The following TPRA1 variants were observed in gnomAD, a reference collection of about 807,000 sequenced individuals.
TPRA1 encodes transmembrane protein adipocyte associated 1.
In TPRA1, 28 loss-of-function variants were observed where a neutral mutation model predicts 40.1. The observed-to-expected ratio is 0.70, with a 90% CI of 0.52 to 0.96. The LOEUF is 0.96. TPRA1 is among the 40% of genes least tolerant of loss of function. The probability of loss-of-function intolerance (pLI) is 0.00; values close to 1 mark genes in which losing one functional copy is unlikely to be tolerated. For synonymous variants in TPRA1, 219 were observed against 209.7 expected, an observed-to-expected ratio of 1.04 and a Z score of -0.38; for missense variants, 441 against 482.6, an observed-to-expected ratio of 0.91 and a Z score of 0.81.
chr3:127,580,393 T>C (rs1458833493), intron 1 of TPRA1: 3 of 501,344 alleles, frequency 6.0e-6, no homozygotes, highest in South Asian at 5.1e-5. Context: ...CTGCAAATAG[T>C]CTAACAAAGC....
Position 127,575,414 on chromosome 3 carries a change from G to A in TPRA1, c.762C>T (p.Ile254=), listed in dbSNP as rs768786706. 3.1e-6 allele frequency: 5 copies of A among 1,591,036 alleles called. No individual in the cohort carries two copies. The highest frequency in any genetic ancestry group is 1.8e-5 in the Admixed American group (1 of 56,306). Residue 254 remains isoleucine, a synonymous_variant, in exon 9 of 11, where the codon ATC becomes ATT. Transcript: ENST00000355552. The part of the protein sequence containing the change: ...LGSVLLCFDI[I]EGLCCVDATT... ...CGGCCCCCACGCACCAGAGCCCCTCGATGATGTCGAAGCACAGCAGCACAC... is the reference window on the plus strand; with the variant it reads ...CGGCCCCCACGCACCAGAGCCCCTCAATGATGTCGAAGCACAGCAGCACAC...
In TPRA1 at chr3:127,575,515, G is replaced by A. The variant is rs374544493; in HGVS notation, c.671-10C>T. 1,374 of 1,544,348 alleles carry A rather than the reference G, an allele frequency of 8.9e-4. 2 individuals are homozygous for A. The highest frequency in any genetic ancestry group is 3.0e-3 in the South Asian group (249 of 81,782). On this transcript the variant is annotated splice_polypyrimidine_tract_variant and intron_variant, in intron 8 of 10. Transcript: ENST00000355552. ...TAGAAGCTCCTCCGAGCTGGGGGCC[G>A]GACAGGGTGGGTCGTGAGGTCCCAC...
At chr3:127,596,847 T>G (rs930457739) in intron 1 of TPRA1, among the ~76,000 whole-genome samples, 2 of 152,128 alleles carry the variant, frequency 1.3e-5, no homozygotes, top group African/African-American at 4.8e-5. Context: ...CCGGGCGTGG[T>G]GGCTCACGCC....
Position 127,576,168 on chromosome 3 carries a change from C to A in TPRA1, c.499-118G>T. Reference sequence around the variant, plus strand: ...CACCACACCAAGTTCAGCCTCTTGGCCTGACCCTCAACTCACCTGCCCCAG... The same window carrying A: ...CACCACACCAAGTTCAGCCTCTTGGACTGACCCTCAACTCACCTGCCCCAG... On this transcript the variant is annotated intron_variant, in intron 6 of 10. Coordinates refer to ENST00000355552, the MANE Select transcript of TPRA1 (RefSeq NM_001136053.4). This position sits in a 1 kb window ranked among gnomAD's most constrained non-coding sequence, Gnocchi z 4.6. The A allele has an allele frequency of 1.3e-6, 1 of 798,824 alleles. No homozygotes were observed. The allele number at this position is 798,824 out of a possible 1,614,324, so 49.5% of individuals were successfully genotyped here. A position where few individuals can be genotyped will look rare whatever the true frequency, so the allele number is the denominator to read the frequency against.
At chr3:127,587,732 A>C (rs1283781142) in intron 1 of TPRA1, among the ~76,000 whole-genome samples, 1 of 141,096 alleles carries the variant, frequency 7.1e-6, no homozygotes, top group Non-Finnish European at 1.5e-5. Context: ...GCTGGAGTGC[A>C]GTGGCGCGAT....
rs970974446 is a variant in TPRA1, at chr3:127,575,290, G to C, written c.774-25C>G. 1.4e-5 allele frequency: 22 copies of C among 1,609,078 alleles called. No homozygotes were observed. The East Asian group carries it at 4.9e-4, about 36-fold the overall frequency. ...GCTGCGGAGAAGGCGGGTCAGCGCG[G>C]GGCCTCCTAGCCCCATGCTGACTCC... On this transcript the variant is annotated intron_variant, in intron 9 of 10. Transcript: ENST00000355552.
upstream of TPRA1, among the ~76,000 whole-genome samples, chr3:127,594,249 A>G (rs2074221289): frequency 1.3e-5 from 2 of 152,172 alleles, no homozygotes; most frequent in African/African-American, 4.8e-5. Flanking sequence ...TGGGTTCTGG[A>G]GGTAGCAGAT....
chr3:127,574,777 G>C (rs745782140), intron 10 of TPRA1, among the ~76,000 whole-genome samples: 4 of 152,208 alleles, frequency 2.6e-5, no homozygotes, highest in Non-Finnish European at 5.9e-5. Context: ...CATACAATGT[G>C]CATATATATG....
At chr3:127,589,708 C>T (rs1447903793) in intron 1 of TPRA1, among the ~76,000 whole-genome samples, 1 of 152,160 alleles carries the variant, frequency 6.6e-6, no homozygotes, top group Non-Finnish European at 1.5e-5. Flanking sequence ...GAAGCCTTCC[C>T]TTCTCAGCTG....
chr3:127,592,367 G>GGT (rs2074189072), upstream of TPRA1, among the ~76,000 whole-genome samples: 2 of 88,508 alleles, frequency 2.3e-5, no homozygotes, highest in Non-Finnish European at 4.5e-5. Flanking sequence ...GCAACATGCT[G>GGT]TTTTTTTTTT....
chr3:127,590,174 G>C (rs2074125953), intron 1 of TPRA1, among the ~76,000 whole-genome samples: 1 of 152,150 alleles, frequency 6.6e-6, no homozygotes, highest in Non-Finnish European at 1.5e-5. Context: ...CTCCCTCCCG[G>C]GCCTCGCGTG....
chr3:127,583,312 T>C (rs2073890862), intron 1 of TPRA1, among the ~76,000 whole-genome samples: 1 of 147,764 alleles, frequency 6.8e-6, no homozygotes. Context: ...AAACTCCATC[T>C]CAGAAAAAAA....
chr3:127,585,255 A>C (rs1415859915), intron 1 of TPRA1, among the ~76,000 whole-genome samples: 1 of 152,202 alleles, frequency 6.6e-6, no homozygotes, highest in African/African-American at 2.4e-5. Flanking sequence ...TCCAGGGAGA[A>C]TCACCTAAGA....
chr3:127,573,270 G>A lies in TPRA1; in HGVS notation c.*251C>T. The A allele has an allele frequency of 2.3e-6, 1 of 442,410 alleles. No homozygotes were observed. Among genetic ancestry groups the A allele is most frequent in the Non-Finnish European group, 4.0e-6 (1 of 251,394 alleles). 27.4% of individuals were successfully genotyped at this position (442,410 alleles called of 1,614,324 possible). A position where few individuals can be genotyped will look rare whatever the true frequency, so the allele number is the denominator to read the frequency against. On this transcript the variant is annotated 3_prime_UTR_variant, in exon 11 of 11. Coordinates refer to ENST00000355552, the MANE Select transcript of TPRA1 (RefSeq NM_001136053.4). ...AACCTTGCCAAGCATGGCCCTGGAA[G>A]GAAAGCCTGGGCCATGTCACTGAGC... is the stretch of plus-strand genomic sequence containing the variant.
At chr3:127,594,242 G>C (rs2074221231), upstream of TPRA1, among the ~76,000 whole-genome samples, 1 of 152,206 alleles carries the variant, frequency 6.6e-6, no homozygotes, top group South Asian at 2.1e-4. Context: ...GCCTCTTTGG[G>C]TTCTGGAGGT....
rs1179635613 is a variant in TPRA1, at chr3:127,590,510, C to G, written c.-118G>C. ...CGGATCCAGCACAGGCCGCGGGACT[C>G]CGGCCTCCAGCGCCAGACCAGGCGG... is the stretch of plus-strand genomic sequence containing the variant. On this transcript the variant is annotated 5_prime_UTR_variant, in exon 1 of 11. Coordinates refer to ENST00000355552, the MANE Select transcript of TPRA1 (RefSeq NM_001136053.4). 6.6e-6 allele frequency: 1 copy of G among 152,266 alleles called. No individual in the cohort carries two copies. Among genetic ancestry groups the G allele is most frequent in the Admixed American group, 6.5e-5 (1 of 15,292 alleles). The allele number at this position is 152,266 out of a possible 1,614,324, so 9.4% of individuals were successfully genotyped here. A position where few individuals can be genotyped will look rare whatever the true frequency, so the allele number is the denominator to read the frequency against.
chr3:127,576,040 T>G lies in TPRA1; in HGVS notation c.509A>C (p.Glu170Ala). The G allele has an allele frequency of 6.2e-7, 1 of 1,613,754 alleles. No homozygotes were observed. The highest frequency in any genetic ancestry group is 1.1e-5 in the South Asian group (1 of 91,060). The change falls in exon 7 of 11, where the codon GAG becomes GCG. Residue 170 changes from glutamate to alanine, a missense_variant. Transcript: ENST00000355552. The surrounding 1 kb of genome is among the most constrained non-coding windows in gnomAD (Gnocchi z 4.6). ...GAGATGGGCATCAGGGTACAGGATCTCCAGGGTCCCCTGCAGGGGCAAGCA... is the reference window on the plus strand; with the variant it reads ...GAGATGGGCATCAGGGTACAGGATCGCCAGGGTCCCCTGCAGGGGCAAGCA... ...LAYSVTQGTL[E>A]ILYPDAHLSA... is the part of the protein sequence containing the mutation.
At chr3:127,580,895 AGT>A (rs2107641636) in intron 1 of TPRA1, among the ~76,000 whole-genome samples, 1 of 152,368 alleles carries the variant, frequency 6.6e-6, no homozygotes, top group South Asian at 2.1e-4. Flanking sequence ...GGGCAAGGCA[AGT>A]GTGTCTGCAA....
intron 3 of TPRA1, among the ~76,000 whole-genome samples, chr3:127,578,840 G>A (rs73858485): frequency 8.6e-4 from 131 of 152,286 alleles, no homozygotes; most frequent in African/African-American, 3.1e-3. Context: ...CAGCTCTCAT[G>A]TGGTGGTATC....
Sources: gnomAD v4.1 joint callset for allele counts (sites outside exome capture counted in the v4.1 genomes callset) on GRCh38, gnomAD v4.1.1 for gene constraint, Gnocchi (gnomAD v3.1) non-coding constraint, MANE v1.5 for transcripts, NCBI Gene and HGNC (gene_info 2026-07-23, HGNC 2026-07-21) for gene names.